The following AGBL1 variants were observed in gnomAD, a reference collection of about 807,000 sequenced individuals.
AGBL1 encodes cytosolic carboxypeptidase 4.
A neutral mutation model predicts 118.9 loss-of-function variants in AGBL1; 130 were observed. The ratio of observed to expected loss-of-function variants is 1.09; its 90% CI spans 0.95 to 1.26. The LOEUF is 1.26. Among genes scored for constraint, AGBL1 ranks in the 50% most tolerant of loss-of-function variants. The pLI is 0.00. For missense variants in AGBL1, 1,584 were observed against 1,298.1 expected, an observed-to-expected ratio of 1.22 and a Z score of -3.38; for synonymous variants, 555 against 478.9, an observed-to-expected ratio of 1.16 and a Z score of -2.08.
chr15:86,725,088 G>A (rs1205768243), intron 22 of AGBL1, among the ~76,000 whole-genome samples: 1 of 152,236 alleles, frequency 6.6e-6, no homozygotes, highest in East Asian at 1.9e-4. Flanking sequence ...AAAGGAGGTA[G>A]CATTCTTGAA....
At chr15:86,954,348 C>T (rs2080908978) in intron 23 of AGBL1, among the ~76,000 whole-genome samples, 1 of 152,288 alleles carries the variant, frequency 6.6e-6, no homozygotes, top group Non-Finnish European at 1.5e-5. Context: ...GACACTCACA[C>T]TTGTATGTTC....
intron 22 of AGBL1, among the ~76,000 whole-genome samples, chr15:86,881,150 G>C (rs1319211119): frequency 6.6e-6 from 1 of 152,112 alleles, no homozygotes; most frequent in Non-Finnish European, 1.5e-5. Flanking sequence ...GGGGAGTCTA[G>C]GTTTTGTCAC....
rs568708734 is a variant in AGBL1, at chr15:86,202,011, C to G, written c.489-22903C>G. ...AACAAGTAAACCCTGTGTGGCCAGG[C>G]ATGGGAGCGCATGCCTGTAATCCTG... On this transcript the variant is annotated intron_variant, in intron 5 of 22. Transcript: ENST00000614907. 3.3e-5 allele frequency among the ~76,000 whole-genome samples: 5 copies of G among 152,210 alleles called. No individual in the cohort carries two copies. In the South Asian group the frequency reaches 1.0e-3, roughly 32 times the overall value.
At chr15:86,954,146 CAG>C (rs1484410321) in intron 23 of AGBL1, among the ~76,000 whole-genome samples, 4 of 152,034 alleles carry the variant, frequency 2.6e-5, no homozygotes, top group African/African-American at 9.7e-5. Context: ...CAAAAAACAA[CAG>C]AATCTGGTGA....
chr15:86,831,057 G>C (rs543546833), intron 22 of AGBL1, among the ~76,000 whole-genome samples: 1 of 152,280 alleles, frequency 6.6e-6, no homozygotes, highest in Non-Finnish European at 1.5e-5. Flanking sequence ...AGGCAAGAGA[G>C]AGCATGTGCA....
chr15:86,655,340 A>G (rs961638952), intron 21 of AGBL1, among the ~76,000 whole-genome samples: 23 of 152,210 alleles, frequency 1.5e-4, no homozygotes, highest in African/African-American at 5.1e-4. Flanking sequence ...GAACTAGCCA[A>G]TTGACTCCGG....
At chr15:86,481,678 T>C (rs1015883609) in intron 18 of AGBL1, among the ~76,000 whole-genome samples, 3 of 152,158 alleles carry the variant, frequency 2.0e-5, no homozygotes, top group African/African-American at 7.2e-5. Context: ...CATTGATTAT[T>C]TATTCAGTAT....
At chr15:86,483,693 C>A (rs1022449316) in intron 18 of AGBL1, among the ~76,000 whole-genome samples, 1 of 152,100 alleles carries the variant, frequency 6.6e-6, no homozygotes, top group Admixed American at 6.6e-5. Flanking sequence ...GCCTGAGAAA[C>A]ACAATGGAAA....
At chr15:86,401,562 C>T (rs1335256880) in intron 18 of AGBL1, among the ~76,000 whole-genome samples, 1 of 152,112 alleles carries the variant, frequency 6.6e-6, no homozygotes, top group East Asian at 1.9e-4. Flanking sequence ...ATGTTATCTT[C>T]TGGAATTTTT....
intron 22 of AGBL1, among the ~76,000 whole-genome samples, chr15:86,726,068 T>A (rs180857341): frequency 2.8e-4 from 43 of 152,352 alleles, no homozygotes; most frequent in African/African-American, 8.9e-4. Flanking sequence ...CTAGCAATAC[T>A]GTCATAGGAT....
At chr15:86,562,175 G>A (rs1341112001) in intron 21 of AGBL1, among the ~76,000 whole-genome samples, 1 of 152,190 alleles carries the variant, frequency 6.6e-6, no homozygotes, top group Non-Finnish European at 1.5e-5. Context: ...GCCCTGGTCA[G>A]AACTTCCAAC....
chr15:86,608,994 A>C (rs997929871), intron 21 of AGBL1, among the ~76,000 whole-genome samples: 3 of 152,174 alleles, frequency 2.0e-5, no homozygotes, highest in African/African-American at 7.2e-5. Flanking sequence ...GCTATGTGGA[A>C]TATGACACGG....
chr15:86,521,770 C>G (rs752834575), intron 18 of AGBL1, among the ~76,000 whole-genome samples: 1 of 152,200 alleles, frequency 6.6e-6, no homozygotes, highest in Non-Finnish European at 1.5e-5. Flanking sequence ...ACTCATTTCA[C>G]ACTTCTGGAG....
intron 17 of AGBL1, among the ~76,000 whole-genome samples, chr15:86,354,054 C>G (rs1215431813): frequency 1.3e-5 from 2 of 152,206 alleles, no homozygotes; most frequent in African/African-American, 4.8e-5. Flanking sequence ...GTGATTTGCA[C>G]TTCTGCATAG....
At chr15:86,838,203 T>C (rs2079194846) in intron 22 of AGBL1, among the ~76,000 whole-genome samples, 1 of 152,174 alleles carries the variant, frequency 6.6e-6, no homozygotes, top group South Asian at 2.1e-4. Context: ...ATCTTATGTT[T>C]ATATTTTTCC....
At chr15:86,380,254 TCCC>T (rs1191988270) in intron 17 of AGBL1, among the ~76,000 whole-genome samples, 22 of 142,764 alleles carry the variant, frequency 1.5e-4, no homozygotes, top group Non-Finnish European at 2.1e-4. Flanking sequence ...CCTCCCTCCC[TCCC>T]TTTCTTCCTT....
At chr15:86,299,263 G>T (rs189672427) in intron 17 of AGBL1, among the ~76,000 whole-genome samples, 111 of 152,258 alleles carry the variant, frequency 7.3e-4, no homozygotes, top group Non-Finnish European at 1.2e-3. Context: ...ACAGTGAACA[G>T]GGAAGTTCTC....
chr15:86,858,905 G>A (rs910326092), intron 22 of AGBL1, among the ~76,000 whole-genome samples: 1 of 152,102 alleles, frequency 6.6e-6, no homozygotes, highest in African/African-American at 2.4e-5. Flanking sequence ...TTTAATCCTT[G>A]AAACAACTCT....
intron 24 of AGBL1, among the ~76,000 whole-genome samples, chr15:87,001,538 C>A (rs555217597): frequency 1.3e-5 from 2 of 152,104 alleles, no homozygotes; most frequent in East Asian, 1.9e-4. Context: ...AGTTCTAGAT[C>A]CTTGAGGAAT....
Sources: gnomAD v4.1 joint callset for allele counts (sites outside exome capture counted in the v4.1 genomes callset) on GRCh38, gnomAD v4.1.1 for gene constraint, MANE v1.5 for transcripts, NCBI Gene and HGNC (gene_info 2026-07-23, HGNC 2026-07-21) for gene names.